Variants in EEF2K observed in about 807,000 individuals in gnomAD.
EEF2K encodes alternative protein EEF2K.
Under a neutral mutation model 93.8 loss-of-function variants are expected in EEF2K, and 70 were observed. The observed-to-expected ratio is 0.75, with a 90% CI of 0.62 to 0.91. The LOEUF (loss-of-function observed/expected upper bound fraction) is 0.91, where lower values mean the gene tolerates loss of function less well. Among genes scored for constraint, EEF2K ranks in the 40% least tolerant of loss-of-function variants. EEF2K has a pLI of 0.00. For missense variants in EEF2K, 935 were observed against 972.9 expected (o/e 0.96, Z 0.52); for synonymous variants, 376 against 380.8 (o/e 0.99, Z 0.15).
At chr16:22,248,607 C>T (rs2047318040) in intron 3 of EEF2K, 148 bp from the exon 4 acceptor site, 1 of 808,312 alleles carries the variant, frequency 1.2e-6, no homozygotes, top group Non-Finnish European at 2.0e-6. Context: ...CCAACCCAAC[C>T]CAGGAGGTTG....
intron 17 of EEF2K, among the ~76,000 whole-genome samples, chr16:22,282,173 G>A (rs984602135): frequency 9.2e-5 from 14 of 152,132 alleles, no homozygotes; most frequent in African/African-American, 3.4e-4. Context: ...ACTTCAGCCT[G>A]GGCAACAGAG....
intron 1 of EEF2K, among the ~76,000 whole-genome samples, chr16:22,224,769 A>G (rs891130138): frequency 8.5e-5 from 13 of 152,200 alleles, no homozygotes; most frequent in African/African-American, 1.7e-4. Context: ...CTTAGCCAAC[A>G]TGGTGAAATG....
chr16:22,257,380 A>G lies in EEF2K; in HGVS notation c.896A>G (p.Asn299Ser). The change falls in exon 8 of 18, where the codon AAC becomes AGC. Residue 299 changes from asparagine (N) to serine (S), a missense_variant. Transcript: ENST00000263026. The part of the protein sequence containing the change: ...TETGTDFGDG[N>S]LGVRGMALFF... The stretch of plus-strand genomic sequence containing the variant: ...ACGGGCACTGACTTTGGAGACGGCA[A>G]CCTAGGTACGTGGGGAAAGCCAGCC... 7 of 1,613,324 alleles carry G rather than the reference A, an allele frequency of 4.3e-6. No homozygotes were observed. The highest frequency in any genetic ancestry group is 2.2e-5 in the South Asian group (2 of 91,032).
intron 15 of EEF2K, among the ~76,000 whole-genome samples, chr16:22,271,465 G>A (rs2047581073): frequency 6.6e-6 from 1 of 152,048 alleles, no homozygotes; most frequent in Non-Finnish European, 1.5e-5. Context: ...AAGGCAGGAG[G>A]ATTGCTTGAG....
At chr16:22,208,738 T>TAA (rs34094244) in intron 1 of EEF2K, among the ~76,000 whole-genome samples, 16,851 of 147,464 alleles carry the variant, frequency 0.11, 1,470 homozygotes, top group East Asian at 0.52. Flanking sequence ...GGTCTCTATT[T>TAA]AAAAAAAAAA....
In EEF2K at chr16:22,280,248, T is replaced by G; in HGVS notation, c.1940T>G (p.Met647Arg). 6.2e-7 allele frequency: 1 copy of G among 1,602,210 alleles called. No individual in the cohort carries two copies. Among genetic ancestry groups the G allele is most frequent in the Non-Finnish European group, 8.5e-7 (1 of 1,174,504 alleles). Reference protein sequence around the residue: ...ALHWYNTALEMTDCDEGGEYD... With the variant: ...ALHWYNTALERTDCDEGGEYD... Reference sequence around the variant, plus strand: ...CACTGGTACAACACTGCCCTGGAGATGACGGACTGTGATGAGGGCGGTGAG... The same window carrying G: ...CACTGGTACAACACTGCCCTGGAGAGGACGGACTGTGATGAGGGCGGTGAG... The change falls in exon 17 of 18, where the codon ATG becomes AGG. Residue 647 changes from methionine to arginine, a missense_variant. Transcript: ENST00000263026.
At chr16:22,283,846 A>G (rs1306009241) in intron 17 of EEF2K, 41 bp from the exon 18 acceptor site, 19 of 1,546,876 alleles carry the variant, frequency 1.2e-5, no homozygotes, top group Non-Finnish European at 1.6e-5. Flanking sequence ...CAAAAACAAC[A>G]GGTGGTTCAC....
chr16:22,279,482 T>C (rs1006461780), intron 16 of EEF2K, among the ~76,000 whole-genome samples: 7 of 152,132 alleles, frequency 4.6e-5, no homozygotes, highest in Non-Finnish European at 1.0e-4. Context: ...TATTTTGATA[T>C]GGGCATGGAA....
At chr16:22,265,616 AG>A (rs1432036384) in intron 13 of EEF2K, among the ~76,000 whole-genome samples, 1 of 152,200 alleles carries the variant, frequency 6.6e-6, no homozygotes, top group African/African-American at 2.4e-5. Context: ...GGTATGGAAC[AG>A]GGTTGCTCAA....
chr16:22,226,517 C>CTTCTTTTTTTT (rs1555469266), intron 2 of EEF2K, among the ~76,000 whole-genome samples: 4 of 106,898 alleles, frequency 3.7e-5, no homozygotes, highest in African/African-American at 8.5e-5. Flanking sequence ...CCTTCTTCTT[C>CTTCTTTTTTTT]TTTTTTTTTT....
chr16:22,256,608 C>T (rs576993932), intron 6 of EEF2K, 140 bp from the exon 7 acceptor site: 4 of 865,274 alleles, frequency 4.6e-6, no homozygotes, highest in Admixed American at 3.4e-5. Context: ...TCATCAGGAG[C>T]TCCTACAATA....
intron 12 of EEF2K, among the ~76,000 whole-genome samples, chr16:22,263,957 G>A (rs1288478532): frequency 6.6e-6 from 1 of 152,170 alleles, no homozygotes; most frequent in Non-Finnish European, 1.5e-5. Flanking sequence ...ATCAAGGCCA[G>A]TCTTGCCAGG....
At chr16:22,213,780 T>C (rs115382375) in intron 1 of EEF2K, among the ~76,000 whole-genome samples, 2,492 of 152,276 alleles carry the variant, frequency 0.016, 76 homozygotes, top group African/African-American at 0.057. Context: ...GCCAGCAGTG[T>C]GGCAACTTCA....
chr16:22,257,390 G>T lies in EEF2K; in HGVS notation c.901+5G>T. On this transcript the variant is annotated splice_donor_5th_base_variant and intron_variant, in intron 8 of 17. Coordinates refer to ENST00000263026, the MANE Select transcript of EEF2K (RefSeq NM_013302.5). ...ACTTTGGAGACGGCAACCTAGGTAC[G>T]TGGGGAAAGCCAGCCTGTTTCTGCA... 2.5e-6 allele frequency: 4 copies of T among 1,612,588 alleles called. No individual in the cohort carries two copies. The highest frequency in any genetic ancestry group is 1.3e-5 in the African/African-American group (1 of 74,936).
In EEF2K at chr16:22,284,028, A is replaced by C; in HGVS notation, c.*32A>C. ...AAATCACTGCCGGCTAGTCCCAAGC[A>C]AACGGGCTAGGAGGAAAGATTAAAA... On this transcript the variant is annotated 3_prime_UTR_variant, in exon 18 of 18. Transcript: ENST00000263026. 1 of 1,535,878 alleles carries C rather than the reference A, an allele frequency of 6.5e-7. No individual in the cohort carries two copies. Among genetic ancestry groups the C allele is most frequent in the Non-Finnish European group, 8.8e-7 (1 of 1,131,692 alleles).
intron 9 of EEF2K, 113 bp downstream of exon 9, chr16:22,257,883 T>C: frequency 1.4e-6 from 2 of 1,467,516 alleles, no homozygotes; most frequent in Non-Finnish European, 1.8e-6. Flanking sequence ...AACTGATGAA[T>C]ACCAGGGCTG....
In EEF2K at chr16:22,280,361, G is replaced by A; in HGVS notation, c.2053G>A (p.Asp685Asn). The change falls in exon 17 of 18, where the codon GAC becomes AAC. Residue 685 changes from aspartate to asparagine, a missense_variant. Asp to Asn is a conservative substitution (Grantham distance 23, BLOSUM62 1). Coordinates refer to ENST00000263026, the MANE Select transcript of EEF2K (RefSeq NM_013302.5). ...CACAGGAGGCTACGGGCTGGAGAAG[G>A]ACCCGCAGAGATCAGGTAGGGCCTG... The part of the protein sequence containing the change: ...LFTGGYGLEK[D>N]PQRSGDLYTQ... 6.4e-7 allele frequency: 1 copy of A among 1,573,872 alleles called. No homozygotes were observed. Among genetic ancestry groups the A allele is most frequent in the Non-Finnish European group, 8.6e-7 (1 of 1,159,504 alleles).
At chr16:22,266,658 G>A (rs1188304940) in intron 14 of EEF2K, 30 bp from the exon 15 acceptor site, 4 of 1,589,616 alleles carry the variant, frequency 2.5e-6, no homozygotes, top group Non-Finnish European at 3.4e-6. Flanking sequence ...CCGCCAGACA[G>A]CCAGGCCGAC....
intron 2 of EEF2K, among the ~76,000 whole-genome samples, chr16:22,229,032 A>G (rs2141654532): frequency 6.6e-6 from 1 of 152,084 alleles, no homozygotes; most frequent in East Asian, 1.9e-4. Flanking sequence ...CCAGCTTCTC[A>G]GGAGGCTGAG....
Sources: allele counts gnomAD v4.1 joint callset (sites outside exome capture counted in the v4.1 genomes callset), GRCh38; gene constraint gnomAD v4.1.1; transcripts MANE v1.5; gene names NCBI Gene and HGNC (gene_info 2026-07-23, HGNC 2026-07-21).